Variants in SMAD3 observed in about 807,000 individuals in gnomAD.
SMAD3 encodes SMAD family member 3.
In SMAD3, 12 loss-of-function variants were observed where a neutral mutation model predicts 51.8. That is an observed-to-expected ratio of 0.23 (90% CI 0.15 to 0.38). SMAD3 has a LOEUF of 0.38. SMAD3 is among the 10% of genes least tolerant of loss of function. The pLI is 1.00. For missense variants in SMAD3, 294 were observed against 565.6 expected (o/e 0.52, Z 4.87); for synonymous variants, 238 against 227.7 (o/e 1.05, Z -0.41).
In SMAD3 at chr15:67,187,379, A is replaced by G; in HGVS notation, c.1024A>G (p.Ile342Val). 1.9e-6 allele frequency: 3 copies of G among 1,614,084 alleles called. No individual in the cohort carries two copies. The highest frequency in any genetic ancestry group is 2.5e-6 in the Non-Finnish European group (3 of 1,180,018). Residue 342 changes from isoleucine to valine, a missense_variant, in exon 8 of 9, where the codon ATC becomes GTC. Physicochemically the swap from Ile to Val is conservative, Grantham distance 29 (BLOSUM62 3). This residue lies in a region of SMAD3 where 118 missense variants were observed against 278.0 expected (regional missense o/e 0.42). Transcript: ENST00000327367. ...CKIPPGCNLK[I>V]FNNQEFAALL... is the part of the protein sequence containing the mutation. The stretch of plus-strand genomic sequence containing the variant: ...GTTTTTGGCAGGATGCAACCTGAAG[A>G]TCTTCAACAACCAGGAGTTCGCTGC...
At chr15:67,130,510 G>C (rs1047186006) in intron 1 of SMAD3, among the ~76,000 whole-genome samples, 1 of 152,160 alleles carries the variant, frequency 6.6e-6, no homozygotes. Context: ...ACTGCATATT[G>C]GAGGGATCTA....
In SMAD3 at chr15:67,187,418, T is replaced by C; in HGVS notation, c.1063T>C (p.Ser355Pro). ...NQEFAALLAQ[S>P]VNQGFEAVYQ... ...GGAGTTCGCTGCCCTCCTGGCCCAGTCGGTCAACCAGGGCTTTGAGGCTGT... is the reference window on the plus strand; with the variant it reads ...GGAGTTCGCTGCCCTCCTGGCCCAGCCGGTCAACCAGGGCTTTGAGGCTGT... The change falls in exon 8 of 9, where the codon TCG becomes CCG. Residue 355 changes from serine (S) to proline (P), a missense_variant. Transcript: ENST00000327367. 6.2e-7 allele frequency: 1 copy of C among 1,614,132 alleles called. No individual in the cohort carries two copies. The highest frequency in any genetic ancestry group is 8.5e-7 in the Non-Finnish European group (1 of 1,180,012).
rs573414421 is a variant in SMAD3, at chr15:67,163,118, C to T, written c.207-1777C>T. Among the ~76,000 whole-genome samples, 282 of 152,132 alleles carry T rather than the reference C, an allele frequency of 1.9e-3. 1 individual carries two copies. The highest frequency in any genetic ancestry group is 2.5e-3 in the Non-Finnish European group (169 of 68,000). On this transcript the variant is annotated intron_variant, in intron 1 of 8. Transcript: ENST00000327367. ...CCTCCTGAGTAGCTGGGATTACAGG[C>T]GCCCGCCACCATGCCTGGCTGATTT... is the stretch of plus-strand genomic sequence containing the variant.
At chr15:67,153,184 C>G (rs1232249660) in intron 1 of SMAD3, among the ~76,000 whole-genome samples, 1 of 152,132 alleles carries the variant, frequency 6.6e-6, no homozygotes, top group African/African-American at 2.4e-5. Flanking sequence ...TAAACGCTTG[C>G]TCTGAGGTGT....
Position 67,195,100 on chromosome 15 carries a change from A to G in SMAD3, c.*4564A>G, listed in dbSNP as rs1378195476. ...GTTTAAGCATTGTACCCCTATTGTT[A>G]AAGATTTGTGTCCTCTCATTCCCTC... is the stretch of plus-strand genomic sequence containing the variant. On this transcript the variant is annotated 3_prime_UTR_variant, in exon 9 of 9. Coordinates refer to ENST00000327367, the MANE Select transcript of SMAD3 (RefSeq NM_005902.4). 4.3e-6 allele frequency: 1 copy of G among 233,458 alleles called. No individual in the cohort carries two copies. The highest frequency in any genetic ancestry group is 8.5e-6 in the Non-Finnish European group (1 of 117,824). 14.5% of individuals were successfully genotyped at this position (233,458 alleles called of 1,614,324 possible). A position where few individuals can be genotyped will look rare whatever the true frequency, so the allele number is the denominator to read the frequency against.
At chr15:67,159,405 C>T (rs1279026553) in intron 1 of SMAD3, among the ~76,000 whole-genome samples, 10 of 152,120 alleles carry the variant, frequency 6.6e-5, no homozygotes, top group Admixed American at 3.3e-4. Context: ...GACCAAGACA[C>T]TAAGTGATTT....
At chr15:67,134,665 G>A (rs759392294) in intron 1 of SMAD3, among the ~76,000 whole-genome samples, 2 of 152,198 alleles carry the variant, frequency 1.3e-5, no homozygotes, top group Non-Finnish European at 2.9e-5. Flanking sequence ...ACCACATACT[G>A]TGGGTGTTGG....
chr15:67,142,595 C>T (rs1160419748), intron 1 of SMAD3: 5 of 251,168 alleles, frequency 2.0e-5, no homozygotes, highest in African/African-American at 4.6e-5. Context: ...CTGTACCCCA[C>T]CCCCAATTCT....
At chr15:67,163,611 T>G (rs1422958079) in intron 1 of SMAD3, among the ~76,000 whole-genome samples, 1 of 152,086 alleles carries the variant, frequency 6.6e-6, no homozygotes, top group Non-Finnish European at 1.5e-5. Flanking sequence ...AAGATTCTGA[T>G]TTAGTAGGTT....
At chr15:67,077,074 C>G (rs193035607) in intron 1 of SMAD3, among the ~76,000 whole-genome samples, 1 of 152,302 alleles carries the variant, frequency 6.6e-6, no homozygotes, top group East Asian at 1.9e-4. Context: ...GAATCCTAAA[C>G]TCAAACCTGG....
chr15:67,069,182 A>G (rs1220482833), intron 1 of SMAD3, among the ~76,000 whole-genome samples: 1 of 152,186 alleles, frequency 6.6e-6, no homozygotes, highest in African/African-American at 2.4e-5. Context: ...ACTTGTTTCA[A>G]TTATCAGGGG....
At chr15:67,109,062 C>G (rs1210386676) in intron 1 of SMAD3, among the ~76,000 whole-genome samples, 1 of 152,218 alleles carries the variant, frequency 6.6e-6, no homozygotes, top group African/African-American at 2.4e-5. Flanking sequence ...CTTCGTGTCT[C>G]TGGAGTCTAG....
chr15:67,074,234 G>C (rs1324721953), intron 1 of SMAD3, among the ~76,000 whole-genome samples: 1 of 152,228 alleles, frequency 6.6e-6, no homozygotes, highest in Non-Finnish European at 1.5e-5. Flanking sequence ...TGAAGATGTG[G>C]AGGCTGTGCC....
chr15:67,153,168 G>T (rs1962190822), intron 1 of SMAD3, among the ~76,000 whole-genome samples: 3 of 152,172 alleles, frequency 2.0e-5, no homozygotes. Context: ...AGTGAGAAGT[G>T]CTGGGTAAAC....
chr15:67,184,860 A>C lies in SMAD3; in HGVS notation c.1005A>C (p.Pro335=), dbSNP rs34188464. 1 of 1,612,776 alleles carries C rather than the reference A, an allele frequency of 6.2e-7. No homozygotes were observed. The highest frequency in any genetic ancestry group is 8.5e-7 in the Non-Finnish European group (1 of 1,180,002). Residue 335 remains proline (P), a synonymous_variant, in exon 7 of 9, where the codon CCA becomes CCC. Coordinates refer to ENST00000327367, the MANE Select transcript of SMAD3 (RefSeq NM_005902.4). Reference sequence around the variant, plus strand: ...ACCCGGCCACCGTCTGCAAGATCCCACCAGGTAAACGAGCCGCACAGGCAC... The same window carrying C: ...ACCCGGCCACCGTCTGCAAGATCCCCCCAGGTAAACGAGCCGCACAGGCAC... ...GWHPATVCKI[P]PGCNLKIFNN... is the part of the protein sequence containing the mutation.
intron 1 of SMAD3, among the ~76,000 whole-genome samples, chr15:67,094,201 G>C (rs577888675): frequency 1.4e-4 from 21 of 152,332 alleles, no homozygotes; most frequent in Non-Finnish European, 2.5e-4. Flanking sequence ...CGAGTCAGAA[G>C]ATGTGGCCAT....
In SMAD3 at chr15:67,193,951, G is replaced by A; in HGVS notation, c.*3415G>A. 1 of 233,232 alleles carries A rather than the reference G, an allele frequency of 4.3e-6. No homozygotes were observed. Among genetic ancestry groups the A allele is most frequent in the Non-Finnish European group, 8.5e-6 (1 of 117,960 alleles). The allele number at this position is 233,232 out of a possible 1,614,324, so 14.4% of individuals were successfully genotyped here. A position where few individuals can be genotyped will look rare whatever the true frequency, so the allele number is the denominator to read the frequency against. On this transcript the variant is annotated 3_prime_UTR_variant, in exon 9 of 9. Transcript: ENST00000327367. ...AGATCTGTTTCATTCTTAGCCTCAG[G>A]CCTCATGAGGGTCTCCACAGGGCCG...
intron 5 of SMAD3, among the ~76,000 whole-genome samples, chr15:67,180,179 C>T (rs1376317894): frequency 1.3e-5 from 2 of 152,218 alleles, no homozygotes; most frequent in East Asian, 1.9e-4. Context: ...GAGGTTGGCC[C>T]AGGGCGCAGG....
intron 1 of SMAD3, among the ~76,000 whole-genome samples, chr15:67,143,850 A>G (rs1315026436): frequency 6.6e-6 from 1 of 150,944 alleles, no homozygotes; most frequent in Non-Finnish European, 1.5e-5. Context: ...GTGATCTGCA[A>G]CCTCCGCCTC....
Sources: allele counts gnomAD v4.1 joint callset (sites outside exome capture counted in the v4.1 genomes callset), GRCh38; gene constraint gnomAD v4.1.1; regional missense constraint gnomAD v4.1.1; transcripts MANE v1.5; gene names NCBI Gene and HGNC (gene_info 2026-07-23, HGNC 2026-07-21).